Variants in TRAF3 observed in about 807,000 individuals in gnomAD.
The protein encoded by TRAF3 is TNF receptor associated factor 3, also known as TNF receptor-associated factor 3.
TRAF3 carries 13 observed loss-of-function variants against 62.3 expected under a neutral mutation model. That is an observed-to-expected ratio of 0.21 (90% CI 0.14 to 0.33). TRAF3 has a LOEUF of 0.33. TRAF3 is among the 10% of genes least tolerant of loss of function. The probability of loss-of-function intolerance (pLI) is 1.00; values close to 1 mark genes in which losing one functional copy is unlikely to be tolerated. For synonymous variants in TRAF3, 269 were observed against 283.4 expected (o/e 0.95, Z 0.51); for missense variants, 440 against 741.8 (o/e 0.59, Z 4.73).
intron 1 of TRAF3, among the ~76,000 whole-genome samples, chr14:102,787,403 G>T (rs980106160): frequency 3.3e-5 from 5 of 151,882 alleles, no homozygotes; most frequent in African/African-American, 1.2e-4. Flanking sequence ...TGGGCTGGGC[G>T]TGGTGGCTCA....
At chr14:102,798,091 A>T (rs1291379371) in intron 1 of TRAF3, among the ~76,000 whole-genome samples, 1 of 152,136 alleles carries the variant, frequency 6.6e-6, no homozygotes, top group Non-Finnish European at 1.5e-5. Flanking sequence ...TCCACCACAC[A>T]TTCACCAGTT....
rs1031502468 is a variant in TRAF3, at chr14:102,777,498, C to A, written c.-334C>A. 7.0e-6 allele frequency: 1 copy of A among 143,370 alleles called. No homozygotes were observed. The highest frequency in any genetic ancestry group is 1.5e-5 in the Non-Finnish European group (1 of 64,730). The allele number at this position is 143,370 out of a possible 1,614,324, so 8.9% of individuals were successfully genotyped here. A position where few individuals can be genotyped will look rare whatever the true frequency, so the allele number is the denominator to read the frequency against. ...GAGCGAGGGAGCGCGGCGCGGCCGC[C>A]GCGTGCGCGAGCCGGGGTTGCAGCC... On this transcript the variant is annotated 5_prime_UTR_variant, in exon 1 of 12. Coordinates refer to ENST00000392745, the MANE Select transcript of TRAF3 (RefSeq NM_145725.3).
chr14:102,900,717 G>A (rs535671781), intron 10 of TRAF3, among the ~76,000 whole-genome samples: 27 of 152,356 alleles, frequency 1.8e-4, no homozygotes, highest in African/African-American at 6.0e-4. Flanking sequence ...TGCCAGGGTC[G>A]CAGTGGCCTG....
At chr14:102,900,825 T>G (rs932013397) in intron 10 of TRAF3, among the ~76,000 whole-genome samples, 1 of 152,238 alleles carries the variant, frequency 6.6e-6, no homozygotes, top group Non-Finnish European at 1.5e-5. Context: ...CCTTCTGATT[T>G]GGATTGTTGA....
chr14:102,901,710 A>C (rs148635825), intron 10 of TRAF3, among the ~76,000 whole-genome samples: 1 of 152,258 alleles, frequency 6.6e-6, no homozygotes, highest in South Asian at 2.1e-4. Flanking sequence ...TGTTTCTTGG[A>C]AAGAACAGGA....
At chr14:102,833,463 T>C (rs1885774481) in intron 2 of TRAF3, among the ~76,000 whole-genome samples, 1 of 152,238 alleles carries the variant, frequency 6.6e-6, no homozygotes, top group Non-Finnish European at 1.5e-5. Context: ...TTCCTTCCTT[T>C]GCTTTTCCCT....
At chr14:102,833,816 A>G (rs1439829920) in intron 2 of TRAF3, among the ~76,000 whole-genome samples, 1 of 151,988 alleles carries the variant, frequency 6.6e-6, no homozygotes, top group Admixed American at 6.6e-5. Flanking sequence ...AACACTGTGA[A>G]ACCCCATCTC....
intron 1 of TRAF3, among the ~76,000 whole-genome samples, chr14:102,786,974 C>G (rs1242438518): frequency 6.6e-6 from 1 of 152,104 alleles, no homozygotes; most frequent in Non-Finnish European, 1.5e-5. Context: ...CGCACTTTAG[C>G]CTGGGTGACT....
At chr14:102,812,165 C>G (rs985454464) in intron 1 of TRAF3, among the ~76,000 whole-genome samples, 6 of 151,942 alleles carry the variant, frequency 3.9e-5, no homozygotes, top group African/African-American at 1.2e-4. Flanking sequence ...TCCTCCTACC[C>G]TTCCTAACCT....
intron 2 of TRAF3, among the ~76,000 whole-genome samples, chr14:102,833,581 G>C (rs1207439720): frequency 2.0e-5 from 3 of 152,154 alleles, no homozygotes; most frequent in African/African-American, 7.2e-5. Context: ...AGGTAGTTTG[G>C]AAACACTAGA....
At chr14:102,822,532 C>T (rs773862125) in intron 1 of TRAF3, among the ~76,000 whole-genome samples, 46 of 152,300 alleles carry the variant, frequency 3.0e-4, no homozygotes, top group Non-Finnish European at 5.3e-4. Context: ...AAAGTAGTTT[C>T]TTTTCTTGAT....
chr14:102,816,767 G>A (rs749547283), intron 1 of TRAF3, among the ~76,000 whole-genome samples: 8 of 152,088 alleles, frequency 5.3e-5, no homozygotes, highest in African/African-American at 1.2e-4. Context: ...TGTTTTCCAC[G>A]GTGCTGTGAT....
At chr14:102,892,202 T>G (rs1191560202) in intron 9 of TRAF3, among the ~76,000 whole-genome samples, 1 of 152,090 alleles carries the variant, frequency 6.6e-6, no homozygotes, top group Non-Finnish European at 1.5e-5. Flanking sequence ...GTATTACAGG[T>G]GCGCACCACC....
At chr14:102,781,061 A>C (rs936487606) in intron 1 of TRAF3, among the ~76,000 whole-genome samples, 6 of 152,196 alleles carry the variant, frequency 3.9e-5, no homozygotes, top group African/African-American at 1.4e-4. Context: ...GAATTCTGGA[A>C]GCGTGGTGGG....
At chr14:102,872,751 G>A (rs1369048880) in intron 4 of TRAF3, among the ~76,000 whole-genome samples, 8 of 151,726 alleles carry the variant, frequency 5.3e-5, no homozygotes, top group Non-Finnish European at 1.2e-4. Context: ...GAGCACAATG[G>A]CACGATCTTG....
chr14:102,834,687 CAAAAAAA>C (rs35056615), intron 2 of TRAF3, among the ~76,000 whole-genome samples: 1 of 54,290 alleles, frequency 1.8e-5, no homozygotes, highest in Non-Finnish European at 3.4e-5. Flanking sequence ...GACTCCGTCT[CAAAAAAA>C]AAAAAAAAAA....
intron 1 of TRAF3, among the ~76,000 whole-genome samples, chr14:102,829,716 G>A (rs1221076199): frequency 6.6e-6 from 1 of 152,138 alleles, no homozygotes; most frequent in African/African-American, 2.4e-5. Flanking sequence ...ATGGGGATTG[G>A]TTTTGGGGAG....
At chr14:102,798,280 GGT>G (rs2139445216) in intron 1 of TRAF3, among the ~76,000 whole-genome samples, 1 of 150,894 alleles carries the variant, frequency 6.6e-6, no homozygotes, top group South Asian at 2.1e-4. Context: ...GGAGTGCAGT[GGT>G]GCGATCACAG....
intron 2 of TRAF3, among the ~76,000 whole-genome samples, chr14:102,868,425 GC>G (rs1888135252): frequency 6.6e-6 from 1 of 152,162 alleles, no homozygotes; most frequent in African/African-American, 2.4e-5. Flanking sequence ...GGAGTACAGG[GC>G]TGGCCAGGGG....
Sources: allele counts gnomAD v4.1 joint callset (sites outside exome capture counted in the v4.1 genomes callset), GRCh38; gene constraint gnomAD v4.1.1; transcripts MANE v1.5; gene names NCBI Gene and HGNC (gene_info 2026-07-23, HGNC 2026-07-21).